The following FANCA variants were observed in gnomAD, a reference collection of about 807,000 sequenced individuals.
FANCA encodes the protein FA complementation group A.
A neutral mutation model predicts 194.3 loss-of-function variants in FANCA; 236 were observed. The ratio of observed to expected loss-of-function variants is 1.21; its 90% CI spans 1.09 to 1.35. FANCA has a LOEUF of 1.35. Among genes scored for constraint, FANCA ranks in the 40% most tolerant of loss-of-function variants. FANCA has a pLI of 0.00. For missense variants in FANCA, 2,628 were observed against 1,813.9 expected (o/e 1.45, Z -8.15); for synonymous variants, 1,014 against 715.8 (o/e 1.42, Z -6.65).
Position 89,737,693 on chromosome 16 carries a change from T to TG in FANCA, c.*907dup. ...CCCCTTGCTTGGGCCCACTGCATGG[T>TG]GAACCATGTGCAGAAATGTCTTCCC... On this transcript the variant is annotated 3_prime_UTR_variant, in exon 43 of 43. Transcript: ENST00000389301. 1 of 1,567,184 alleles carries TG rather than the reference T, an allele frequency of 6.4e-7. No individual in the cohort carries two copies. The highest frequency in any genetic ancestry group is 8.7e-7 in the Non-Finnish European group (1 of 1,154,404).
chr16:89,814,747 C>G, intron 2 of FANCA, 134 bp from the exon 3 acceptor site: 2 of 674,512 alleles, frequency 3.0e-6, no homozygotes, highest in Non-Finnish European at 5.4e-6. Context: ...TCGAGACCAG[C>G]CTGGCCAACA....
At chr16:89,773,972 C>G (rs572445657) in intron 21 of FANCA, among the ~76,000 whole-genome samples, 2 of 151,930 alleles carry the variant, frequency 1.3e-5, no homozygotes. Context: ...GATTTCACCA[C>G]GTTGGCCAAG....
intron 28 of FANCA, chr16:89,762,521 G>A (rs2038985331): frequency 4.5e-6 from 1 of 222,170 alleles, no homozygotes; most frequent in African/African-American, 2.4e-5. Flanking sequence ...TTGAGCCCAG[G>A]AGGTCAAGGC....
In FANCA at chr16:89,814,617, G is replaced by GTGTA; in HGVS notation, c.190-5_190-4insTACA. On this transcript the variant is annotated splice_polypyrimidine_tract_variant and splice_region_variant and intron_variant, in intron 2 of 42. Coordinates refer to ENST00000389301, the MANE Select transcript of FANCA (RefSeq NM_000135.4). The stretch of plus-strand genomic sequence containing the variant: ...TTTTACACAGTGGACCTTCTACCTA[G>GTGTA]AATCCAAAACACAACAAACTCCATT... The GTGTA allele has an allele frequency of 6.2e-7, 1 of 1,608,602 alleles. No individual in the cohort carries two copies. Among genetic ancestry groups the GTGTA allele is most frequent in the South Asian group, 1.1e-5 (1 of 90,958 alleles).
chr16:89,739,957 G>A (rs1001611850), intron 39 of FANCA, 37 bp downstream of exon 39: 5 of 1,611,750 alleles, frequency 3.1e-6, no homozygotes, highest in African/African-American at 1.3e-5. Context: ...GAAAAGAGCG[G>A]CCCTCCGCAT....
chr16:89,744,833 C>G, intron 36 of FANCA, 126 bp downstream of exon 36: 1 of 869,706 alleles, frequency 1.1e-6, no homozygotes, highest in Non-Finnish European at 1.9e-6. Flanking sequence ...GTTCTTTTCT[C>G]CCTGCTCACA....
At chr16:89,770,417 C>A in intron 24 of FANCA, 147 bp downstream of exon 24, 1 of 1,023,176 alleles carries the variant, frequency 9.8e-7, no homozygotes, top group Non-Finnish European at 1.5e-6. Context: ...TGCTTCCCAA[C>A]TTCTGCTGCG....
chr16:89,813,937 T>C (rs2143706861), intron 3 of FANCA, among the ~76,000 whole-genome samples: 1 of 152,318 alleles, frequency 6.6e-6, no homozygotes, highest in South Asian at 2.1e-4. Flanking sequence ...GCTTGGTTCC[T>C]TGGAATGATA....
intron 11 of FANCA, among the ~76,000 whole-genome samples, chr16:89,795,031 TC>T (rs2040196320): frequency 1.3e-5 from 2 of 152,288 alleles, no homozygotes; most frequent in Middle Eastern, 6.8e-3. Context: ...ACGCCTGTAA[TC>T]CCAGTATTTT....
chr16:89,761,421 A>AG (rs966579190), intron 29 of FANCA, among the ~76,000 whole-genome samples: 4 of 51,282 alleles, frequency 7.8e-5, no homozygotes, highest in African/African-American at 4.9e-4. Flanking sequence ...TCTGTCTCAG[A>AG]AAAAAAAAAA....
chr16:89,778,161 C>CAAAAAA (rs35361961), intron 20 of FANCA, among the ~76,000 whole-genome samples: 1 of 48,002 alleles, frequency 2.1e-5, no homozygotes. Flanking sequence ...GACTTCATCT[C>CAAAAAA]AAAAAAAAAA....
intron 5 of FANCA, among the ~76,000 whole-genome samples, chr16:89,810,182 G>A (rs1158338886): frequency 6.6e-6 from 1 of 151,652 alleles, no homozygotes; most frequent in African/African-American, 2.4e-5. Flanking sequence ...AATTAGCTGG[G>A]CGTGGTGGCA....
intron 6 of FANCA, among the ~76,000 whole-genome samples, chr16:89,806,971 G>C (rs1243503303): frequency 1.3e-5 from 2 of 152,108 alleles, no homozygotes; most frequent in Non-Finnish European, 2.9e-5. Flanking sequence ...GGCTGGCCGG[G>C]CGGGGGGCTG....
intron 29 of FANCA, among the ~76,000 whole-genome samples, chr16:89,761,414 G>C (rs1311078561): frequency 8.8e-6 from 1 of 113,814 alleles, no homozygotes. Context: ...GCAAGACTCT[G>C]TCTCAGAAAA....
chr16:89,739,605 C>T, intron 39 of FANCA, 52 bp from the exon 40 acceptor site: 3 of 1,540,240 alleles, frequency 1.9e-6, no homozygotes, highest in South Asian at 1.2e-5. Flanking sequence ...TGCCTATTAT[C>T]AGTGCTGGGG....
In FANCA at chr16:89,799,221, C is replaced by T. The variant is rs1010833101; in HGVS notation, c.838G>A (p.Ala280Thr). Residue 280 changes from alanine (A) to threonine (T), a missense_variant, in exon 10 of 43, where the codon GCT becomes ACT. Physicochemically the swap from Ala to Thr is moderately conservative, Grantham distance 58. Transcript: ENST00000389301. ...TCCTCCTGTACTCCAGCAGCCAAAG[C>T]GTCAAGTGCAACTGAAGACAGAGCC... The part of the protein sequence containing the change: ...LQRMLIFALD[A>T]LAAGVQEESS... 15 of 1,614,082 alleles carry T rather than the reference C, an allele frequency of 9.3e-6. No homozygotes were observed. The highest frequency in any genetic ancestry group is 3.3e-5 in the Admixed American group (2 of 60,022).
chr16:89,800,654 C>A (rs1296977183), intron 8 of FANCA, among the ~76,000 whole-genome samples: 4 of 152,122 alleles, frequency 2.6e-5, no homozygotes, highest in Non-Finnish European at 5.9e-5. Flanking sequence ...TGCCTGAGGT[C>A]AAAATATACT....
chr16:89,803,971 T>C (rs2040547174), intron 7 of FANCA, among the ~76,000 whole-genome samples: 1 of 152,102 alleles, frequency 6.6e-6, no homozygotes, highest in Non-Finnish European at 1.5e-5. Context: ...TTATGGATTG[T>C]CTTGCCTGCC....
At chr16:89,811,188 T>C in intron 3 of FANCA, 117 bp from the exon 4 acceptor site, 4 of 1,278,602 alleles carry the variant, frequency 3.1e-6, no homozygotes, top group South Asian at 1.2e-5. Flanking sequence ...AATTGCCTTT[T>C]AAACGGGGAG....
Sources: allele counts gnomAD v4.1 joint callset (sites outside exome capture counted in the v4.1 genomes callset), GRCh38; gene constraint gnomAD v4.1.1; transcripts MANE v1.5; gene names NCBI Gene and HGNC (gene_info 2026-07-23, HGNC 2026-07-21).